Variants in LAMC1 observed in about 807,000 individuals in gnomAD.
The protein encoded by LAMC1 is laminin subunit gamma 1, also known as laminin subunit gamma-1.
In LAMC1, 38 loss-of-function variants were observed where a neutral mutation model predicts 173.6. That is an observed-to-expected ratio of 0.22 (90% confidence interval 0.17 to 0.29). The LOEUF (loss-of-function observed/expected upper bound fraction) is 0.29, where lower values mean the gene tolerates loss of function less well. Ranked by LOEUF, LAMC1 falls within the 10% of genes least tolerant of loss-of-function variation. The pLI is 1.00. For synonymous variants in LAMC1, 746 were observed against 749.1 expected (o/e 1.00, Z 0.07); for missense variants, 1,824 against 2,051.8 (o/e 0.89, Z 2.14).
At position 183,130,443 on chromosome 1, in the gene LAMC1, C is replaced by G. The variant is rs747385590; in HGVS notation, c.3380C>G (p.Thr1127Ser). The change falls in exon 19 of 28, where the codon ACT becomes AGT. Residue 1127 changes from threonine (T) to serine (S), a missense_variant. Coordinates refer to ENST00000258341, the MANE Select transcript of LAMC1 (RefSeq NM_002293.4). ...AATATCCGGAATACCATTGAAGAGA[C>G]TGGAAACTTGGCTGAACAAGCGCGT... ...LQNIRNTIEE[T>S]GNLAEQARAH... The G allele has an allele frequency of 3.7e-6, 6 of 1,614,052 alleles. No individual in the cohort carries two copies. Among genetic ancestry groups the G allele is most frequent in the African/African-American group, 1.3e-5 (1 of 74,930 alleles).
chr1:183,094,500 C>T (rs1476608045), intron 1 of LAMC1, among the ~76,000 whole-genome samples: 2 of 152,182 alleles, frequency 1.3e-5, no homozygotes, highest in Non-Finnish European at 2.9e-5. Flanking sequence ...TTGTCTTATT[C>T]TCTGCTGATC....
rs1334208188 is a variant in LAMC1 at position 183,099,246 on chromosome 1, G to A, written c.419-4082G>A. Among the ~76,000 whole-genome samples the A allele has an allele frequency of 5.3e-5, 8 of 151,982 alleles. No individual in the cohort carries two copies. In the East Asian group the frequency reaches 1.5e-3, roughly 29 times the overall value. On this transcript the variant is annotated intron_variant, in intron 1 of 27. Coordinates refer to ENST00000258341, the MANE Select transcript of LAMC1 (RefSeq NM_002293.4). The stretch of plus-strand genomic sequence containing the variant: ...TGGGATTACAGGCGCGTACCACCAC[G>A]CCTGGCTAATTTTTTGAATTTTTAG...
chr1:183,032,520 C>CT (rs1054619701), intron 1 of LAMC1, among the ~76,000 whole-genome samples: 65 of 148,620 alleles, frequency 4.4e-4, no homozygotes, highest in Admixed American at 1.5e-3. Context: ...ACATTGCTTG[C>CT]TTTTTTTTTT....
intron 1 of LAMC1, among the ~76,000 whole-genome samples, chr1:183,102,811 G>A (rs1477510666): frequency 5.3e-5 from 8 of 151,744 alleles, no homozygotes; most frequent in African/African-American, 1.7e-4. Context: ...TTCTTCAAAT[G>A]TCTGTATCTT....
At chr1:183,069,431 G>T (rs568698271) in intron 1 of LAMC1, among the ~76,000 whole-genome samples, 2 of 152,282 alleles carry the variant, frequency 1.3e-5, no homozygotes, top group South Asian at 4.1e-4. Context: ...TGTGCACTGG[G>T]AGATCCAGGA....
At chr1:183,125,116 T>C in intron 14 of LAMC1, 1 of 593,686 alleles carries the variant, frequency 1.7e-6, no homozygotes, top group Non-Finnish European at 2.9e-6. Flanking sequence ...TGTATTTTAT[T>C]TAATATATCC....
At position 183,134,779 on chromosome 1, in the gene LAMC1, C is replaced by T. The variant is rs748852259; in HGVS notation, c.3969C>T (p.Asn1323=). The part of the protein sequence containing the change: ...DMRGKELEVK[N]LLEKGKTEQQ... ...GAGGGAAGGAACTTGAAGTCAAGAA[C>T]CTTCTGGAGAAAGGCAAGACTGAAC... The change falls in exon 23 of 28, where the codon AAC becomes AAT. Residue 1323 remains asparagine, a synonymous_variant. Transcript: ENST00000258341. 1.2e-6 allele frequency: 2 copies of T among 1,613,384 alleles called. No individual in the cohort carries two copies. The highest frequency in any genetic ancestry group is 1.7e-5 in the Admixed American group (1 of 59,846).
chr1:183,037,564 A>G (rs1207589585), intron 1 of LAMC1, among the ~76,000 whole-genome samples: 1 of 152,188 alleles, frequency 6.6e-6, no homozygotes, highest in African/African-American at 2.4e-5. Flanking sequence ...GTCAGTATTA[A>G]CATTATTCAG....
At chr1:183,080,992 G>T (rs185544351) in intron 1 of LAMC1, among the ~76,000 whole-genome samples, 1 of 151,982 alleles carries the variant, frequency 6.6e-6, no homozygotes, top group Non-Finnish European at 1.5e-5. Context: ...GGTTTCAAAC[G>T]GTTCTTCTGC....
intron 26 of LAMC1, among the ~76,000 whole-genome samples, chr1:183,138,864 G>A (rs533618426): frequency 6.6e-6 from 1 of 152,166 alleles, no homozygotes; most frequent in African/African-American, 2.4e-5. Flanking sequence ...GACCAGCCTG[G>A]CCAACATGGT....
At chr1:183,094,231 G>A (rs965929060) in intron 1 of LAMC1, among the ~76,000 whole-genome samples, 1 of 151,964 alleles carries the variant, frequency 6.6e-6, no homozygotes, top group African/African-American at 2.4e-5. Flanking sequence ...TTCCTGGAAT[G>A]CTCTTCCCAT....
rs567570671 is a variant in LAMC1, at chr1:183,067,300, A to G, written c.419-36028A>G. Among the ~76,000 whole-genome samples, 10 of 152,252 alleles carry G rather than the reference A, an allele frequency of 6.6e-5. No homozygotes were observed. In the South Asian group the frequency reaches 2.1e-3, roughly 32 times the overall value. Reference sequence around the variant, plus strand: ...GTACAATTTTTCAGTTTTGTTTAGAATTCTTTTTTTGTCATTGCATTTTTA... The same window carrying G: ...GTACAATTTTTCAGTTTTGTTTAGAGTTCTTTTTTTGTCATTGCATTTTTA... On this transcript the variant is annotated intron_variant, in intron 1 of 27. Coordinates refer to ENST00000258341, the MANE Select transcript of LAMC1 (RefSeq NM_002293.4).
chr1:183,107,471 C>G (rs1046030946), intron 2 of LAMC1, among the ~76,000 whole-genome samples: 2 of 152,116 alleles, frequency 1.3e-5, no homozygotes, highest in East Asian at 3.9e-4. Context: ...TTAGCGAGTA[C>G]TTGAGCATCT....
At chr1:183,105,061 A>T (rs1252369082) in intron 2 of LAMC1, among the ~76,000 whole-genome samples, 1 of 150,822 alleles carries the variant, frequency 6.6e-6, no homozygotes, top group African/African-American at 2.4e-5. Context: ...ATACAAAAAA[A>T]AAAAAAAAGT....
At chr1:183,090,456 A>G (rs1294390509) in intron 1 of LAMC1, among the ~76,000 whole-genome samples, 6 of 152,204 alleles carry the variant, frequency 3.9e-5, no homozygotes, top group Admixed American at 3.3e-4. Flanking sequence ...AAGAGGGTGG[A>G]TGAATGAAAA....
intron 1 of LAMC1, among the ~76,000 whole-genome samples, chr1:183,036,995 C>T (rs183601172): frequency 3.9e-5 from 6 of 152,162 alleles, no homozygotes; most frequent in East Asian, 3.9e-4. Flanking sequence ...AGGCTGGCCT[C>T]GAACTCCTGA....
chr1:183,092,793 C>G (rs1247344733), intron 1 of LAMC1, among the ~76,000 whole-genome samples: 1 of 152,108 alleles, frequency 6.6e-6, no homozygotes, highest in East Asian at 1.9e-4. Context: ...GGCTCTCTTT[C>G]TCCACATCTC....
rs201591027 is a variant in LAMC1, at chr1:183,103,530, T to A, written c.621T>A (p.Asp207Glu). The change falls in exon 2 of 28, where the codon GAT becomes GAA. Residue 207 changes from aspartate (D) to glutamate (E), a missense_variant. Physicochemically the swap from Asp to Glu is conservative, Grantham distance 45 (BLOSUM62 2). Transcript: ENST00000258341. Reference sequence around the variant, plus strand: ...ACGAGCAGCAGGCCTTGTGTACTGATGAATTCAGTGACATTTCTCCCCTCA... The same window carrying A: ...ACGAGCAGCAGGCCTTGTGTACTGAAGAATTCAGTGACATTTCTCCCCTCA... The part of the protein sequence containing the change: ...GGDEQQALCT[D>E]EFSDISPLTG... 5.6e-6 allele frequency: 9 copies of A among 1,613,822 alleles called. No individual in the cohort carries two copies. The South Asian group carries it at 9.9e-5, about 18-fold the overall frequency.
rs543103511 is a variant in LAMC1 at position 183,101,315 on chromosome 1, C to T, written c.419-2013C>T. Among the ~76,000 whole-genome samples the T allele has an allele frequency of 7.9e-5, 12 of 151,894 alleles. No homozygotes were observed. In the South Asian group the frequency reaches 8.4e-4, roughly 11 times the overall value. On this transcript the variant is annotated intron_variant, in intron 1 of 27. Transcript: ENST00000258341. ...TGCCACAGATACTGTACTATAACCT[C>T]GCCCTCATTCAAAGGTGATGTCTTG...
Sources: gnomAD v4.1 joint callset for allele counts (sites outside exome capture counted in the v4.1 genomes callset) on GRCh38, gnomAD v4.1.1 for gene constraint, MANE v1.5 for transcripts, NCBI Gene and HGNC (gene_info 2026-07-23, HGNC 2026-07-21) for gene names.